The following GRK2 variants were observed in gnomAD, a reference collection of about 807,000 sequenced individuals.
The protein encoded by GRK2 is G protein-coupled receptor kinase 2.
GRK2 carries 23 observed loss-of-function variants against 97.8 expected under a neutral mutation model. The observed-to-expected ratio is 0.24, with a 90% CI of 0.17 to 0.33. The LOEUF (loss-of-function observed/expected upper bound fraction) is 0.33. GRK2 is among the 10% of genes least tolerant of loss of function. GRK2 has a pLI of 1.00. For synonymous variants in GRK2, 425 were observed against 381.7 expected (o/e 1.11, Z -1.32); for missense variants, 633 against 956.9 (o/e 0.66, Z 4.47).
At chr11:67,270,703 C>T (rs990255111) in intron 1 of GRK2, among the ~76,000 whole-genome samples, 3 of 152,216 alleles carry the variant, frequency 2.0e-5, no homozygotes, top group Non-Finnish European at 2.9e-5. Flanking sequence ...TCCCTCTGGG[C>T]CTTTGAAGCA....
In GRK2 at chr11:67,286,233, C is replaced by T. The variant is rs572467771; in HGVS notation, c.*783C>T. 273 of 581,732 alleles carry T rather than the reference C, an allele frequency of 4.7e-4. 1 individual carries two copies. The highest frequency in any genetic ancestry group is 2.7e-3 in the South Asian group (135 of 49,780). The allele number at this position is 581,732 out of a possible 1,614,324, so 36.0% of individuals were successfully genotyped here. A position where few individuals can be genotyped will look rare whatever the true frequency, so the allele number is the denominator to read the frequency against. ...CGACCCCATCTGCCCAGGACGGGGC[C>T]GGCCAGGTGGGCGGGCAGCACAGCA... On this transcript the variant is annotated 3_prime_UTR_variant, in exon 21 of 21. Coordinates refer to ENST00000308595, the MANE Select transcript of GRK2 (RefSeq NM_001619.5).
At chr11:67,274,371 G>A (rs191903570) in intron 1 of GRK2, among the ~76,000 whole-genome samples, 7 of 152,100 alleles carry the variant, frequency 4.6e-5, no homozygotes, top group Non-Finnish European at 1.0e-4. Flanking sequence ...GGGGCTTACT[G>A]CTGAAGCCCG....
chr11:67,286,041 G>A lies in GRK2; in HGVS notation c.*591G>A. On this transcript the variant is annotated 3_prime_UTR_variant, in exon 21 of 21. Coordinates refer to ENST00000308595, the MANE Select transcript of GRK2 (RefSeq NM_001619.5). ...CCACTCCCACTTCCCTGACACTGCG[G>A]GGCTTGGCTGAGAGAGTGGCATTGG... 1 of 282,880 alleles carries A rather than the reference G, an allele frequency of 3.5e-6. No individual in the cohort carries two copies. Among genetic ancestry groups the A allele is most frequent in the Non-Finnish European group, 6.7e-6 (1 of 149,060 alleles). 17.5% of individuals were successfully genotyped at this position (282,880 alleles called of 1,614,324 possible). A position where few individuals can be genotyped will look rare whatever the true frequency, so the allele number is the denominator to read the frequency against.
intron 1 of GRK2, 141 bp from the exon 2 acceptor site, chr11:67,277,131 A>G: frequency 1.4e-6 from 1 of 700,090 alleles, no homozygotes; most frequent in Non-Finnish European, 2.4e-6. Flanking sequence ...TGTGGCTGGG[A>G]TAAGTGAGTA....
At chr11:67,273,913 C>T (rs1251235839) in intron 1 of GRK2, among the ~76,000 whole-genome samples, 1 of 152,016 alleles carries the variant, frequency 6.6e-6, no homozygotes, top group Admixed American at 6.5e-5. Flanking sequence ...GGGAACCAAG[C>T]ATGCTTCCCC....
In GRK2 at chr11:67,283,729, C is replaced by T; in HGVS notation, c.1351C>T (p.Pro451Ser). Reference protein sequence around the residue: ...GRGAQEVKESPFFRSLDWQMV... With the variant: ...GRGAQEVKESSFFRSLDWQMV... ...CAGGGCTCAGGAGGTGAAAGAGAGC[C>T]CCTTTTTCCGCTCCCTGGACTGGCA... The change falls in exon 16 of 21, where the codon CCC becomes TCC. Residue 451 changes from proline to serine, a missense_variant. Pro to Ser is a moderately conservative substitution (Grantham distance 74). This residue lies in a region of GRK2 where 68 missense variants were observed against 71.0 expected (regional missense o/e 0.96). Coordinates refer to ENST00000308595, the MANE Select transcript of GRK2 (RefSeq NM_001619.5). The T allele has an allele frequency of 6.2e-7, 1 of 1,613,646 alleles. No homozygotes were observed. Among genetic ancestry groups the T allele is most frequent in the Non-Finnish European group, 8.5e-7 (1 of 1,180,000 alleles).
intron 6 of GRK2, chr11:67,280,386 G>A: frequency 2.3e-6 from 1 of 429,894 alleles, no homozygotes; most frequent in South Asian, 2.4e-5. Context: ...TGAGCTCTGT[G>A]TCACTGGGGG....
intron 1 of GRK2, among the ~76,000 whole-genome samples, chr11:67,270,266 G>C (rs549759423): frequency 6.6e-6 from 1 of 152,210 alleles, no homozygotes; most frequent in Admixed American, 6.5e-5. Flanking sequence ...TAGCTGAGGA[G>C]CCCTGCCTGG....
rs150236476 is a variant in GRK2 at position 67,282,797 on chromosome 11, C to T, written c.1206C>T (p.Ile402=). 43 of 1,610,220 alleles carry T rather than the reference C, an allele frequency of 2.7e-5. No individual in the cohort carries two copies. In the South Asian group the frequency reaches 2.9e-4, roughly 11 times the overall value. ...RQHKTKDKHE[I]DRMTLTMAVE... is the part of the protein sequence containing the mutation. ...ACAAGACCAAAGACAAGCATGAGATCGACCGCATGACGCTGACGATGGTGG... is the reference window on the plus strand; with the variant it reads ...ACAAGACCAAAGACAAGCATGAGATTGACCGCATGACGCTGACGATGGTGG... The change falls in exon 14 of 21, where the codon ATC becomes ATT. Residue 402 remains isoleucine (I), a synonymous_variant. Transcript: ENST00000308595. The surrounding 1 kb of genome is among the most constrained non-coding windows in gnomAD (Gnocchi z 6.9).
intron 7 of GRK2, 66 bp downstream of exon 7, chr11:67,280,849 C>T (rs994325398): frequency 5.4e-5 from 86 of 1,581,350 alleles, no homozygotes; most frequent in Middle Eastern, 1.7e-4. Flanking sequence ...GGAGCTGGGC[C>T]TGTGGCTTGG....
rs543696664 is a variant in GRK2 at position 67,279,480 on chromosome 11, C to T, written c.327C>T (p.Phe109=). ...EERVARSREI[F]DSYIMKELLA... ...GTGTGGCCCGCAGCCGGGAGATCTTCGACTCATACATCATGAAGGAGCTGC... is the reference window on the plus strand; with the variant it reads ...GTGTGGCCCGCAGCCGGGAGATCTTTGACTCATACATCATGAAGGAGCTGC... The change falls in exon 4 of 21, where the codon TTC becomes TTT. Residue 109 remains phenylalanine (F), a synonymous_variant. Transcript: ENST00000308595. The T allele has an allele frequency of 1.3e-5, 21 of 1,613,180 alleles. No individual in the cohort carries two copies. The highest frequency in any genetic ancestry group is 1.1e-4 in the South Asian group (10 of 91,080).
chr11:67,284,010 C>A, intron 17 of GRK2, 61 bp downstream of exon 17: 1 of 1,490,494 alleles, frequency 6.7e-7, no homozygotes, highest in East Asian at 2.4e-5. Flanking sequence ...GGAAGGATCC[C>A]TCTCCCTTCT....
intron 1 of GRK2, chr11:67,271,015 T>C (rs1859895757): frequency 6.6e-6 from 1 of 152,242 alleles, no homozygotes; most frequent in African/African-American, 2.4e-5. Context: ...CCAGGTGGGC[T>C]TGGCAGAGGG....
chr11:67,285,311 A>G lies in GRK2; in HGVS notation c.1931A>G (p.Lys644Arg). 2 of 1,609,726 alleles carry G rather than the reference A, an allele frequency of 1.2e-6. No individual in the cohort carries two copies. The highest frequency in any genetic ancestry group is 1.7e-6 in the Non-Finnish European group (2 of 1,178,654). The change falls in exon 21 of 21, where the codon AAG becomes AGG. Residue 644 changes from lysine (K) to arginine (R), a missense_variant. By Grantham distance (26) the Lys-to-Arg change is conservative. This residue lies in a region of GRK2 where 180 missense variants were observed against 311.3 expected (regional missense o/e 0.58). Coordinates refer to ENST00000308595, the MANE Select transcript of GRK2 (RefSeq NM_001619.5). ...AGCGACCCTGAGCTGGTGCAGTGGA[A>G]GAAGGAGCTGCGCGACGCCTACCGC... ...CDSDPELVQW[K>R]KELRDAYREA...
intron 1 of GRK2, among the ~76,000 whole-genome samples, chr11:67,267,586 G>A (rs1376489455): frequency 3.9e-5 from 6 of 152,208 alleles, no homozygotes; most frequent in Non-Finnish European, 7.4e-5. Flanking sequence ...TTGACCAGGG[G>A]CCCTCCCAGC....
Position 67,283,705 on chromosome 11 carries a change from AGGGCT to A in GRK2, c.1329-1_1332del. On this transcript the variant is annotated splice_acceptor_variant and coding_sequence_variant, in exon 16 of 21. Transcript: ENST00000308595. LOFTEE classifies it high-confidence loss of function. ...GCCCAGATGACTGGCCTCTCCCCAC[AGGGCT>A]CAGGAGGTGAAAGAGAGCCCCTTTT... 1 of 1,613,200 alleles carries A rather than the reference AGGGCT, an allele frequency of 6.2e-7. No homozygotes were observed. Among genetic ancestry groups the A allele is most frequent in the Non-Finnish European group, 8.5e-7 (1 of 1,179,942 alleles).
chr11:67,281,641 C>T lies in GRK2; in HGVS notation c.748-9C>T, dbSNP rs775843406. On this transcript the variant is annotated splice_polypyrimidine_tract_variant and intron_variant, in intron 9 of 20. Coordinates refer to ENST00000308595, the MANE Select transcript of GRK2 (RefSeq NM_001619.5). This position sits in a 1 kb window ranked among gnomAD's most constrained non-coding sequence, Gnocchi z 5.7. ...ACTGCCCGCCCCCTCCCCTCCTCTC[C>T]CCTCCTAGGACTGCCCATTCATTGT... The T allele has an allele frequency of 8.1e-6, 13 of 1,610,328 alleles. No homozygotes were observed. Among genetic ancestry groups the T allele is most frequent in the Non-Finnish European group, 1.1e-5 (13 of 1,177,358 alleles).
rs557493105 is a variant in GRK2 at position 67,276,330 on chromosome 11, C to T, written c.114-942C>T. Among the ~76,000 whole-genome samples the T allele has an allele frequency of 2.0e-5, 3 of 152,166 alleles. No homozygotes were observed. Among genetic ancestry groups the T allele is most frequent in the East Asian group, 1.9e-4 (1 of 5,180 alleles). On this transcript the variant is annotated intron_variant, in intron 1 of 20. Transcript: ENST00000308595. This position sits in a 1 kb window ranked among gnomAD's most constrained non-coding sequence, Gnocchi z 4.2. ...CGGCAGGGCTGGGCTTGAGGTGGGC[C>T]AGGAGAGGGCAGGAGGGGACAGTAA...
Position 67,286,219 on chromosome 11 carries a change from G to T in GRK2, c.*769G>T, listed in dbSNP as rs1308224560. On this transcript the variant is annotated 3_prime_UTR_variant, in exon 21 of 21. Transcript: ENST00000308595. ...TGCTGGGCTGGGTGCGACCCCATCT[G>T]CCCAGGACGGGGCCGGCCAGGTGGG... 1.2e-5 allele frequency: 7 copies of T among 574,186 alleles called. No individual in the cohort carries two copies. The highest frequency in any genetic ancestry group is 2.2e-5 in the Non-Finnish European group (7 of 325,064). 35.6% of individuals were successfully genotyped at this position (574,186 alleles called of 1,614,324 possible).
Sources: allele counts gnomAD v4.1 joint callset (sites outside exome capture counted in the v4.1 genomes callset), GRCh38; gene constraint gnomAD v4.1.1; regional missense constraint gnomAD v4.1.1; non-coding constraint Gnocchi (gnomAD v3.1); transcripts MANE v1.5; gene names NCBI Gene and HGNC (gene_info 2026-07-23, HGNC 2026-07-21).